The following TMEM45B variants were observed in gnomAD, a reference collection of about 807,000 sequenced individuals.
The protein encoded by TMEM45B is transmembrane protein 45B.
TMEM45B carries 29 observed loss-of-function variants against 27.3 expected under a neutral mutation model. That is an observed-to-expected ratio of 1.06 (90% confidence interval 0.79 to 1.45). The LOEUF (loss-of-function observed/expected upper bound fraction) is 1.45. TMEM45B is among the 40% of genes most tolerant of loss of function. TMEM45B has a pLI of 0.00. For synonymous variants in TMEM45B, 143 were observed against 134.7 expected (o/e 1.06, Z -0.43); for missense variants, 348 against 343.9 (o/e 1.01, Z -0.09).
intron 1 of TMEM45B, among the ~76,000 whole-genome samples, chr11:129,849,665 C>T (rs764593696): frequency 9.9e-5 from 15 of 152,182 alleles, no homozygotes; most frequent in African/African-American, 2.9e-4. Flanking sequence ...TTATAACTTG[C>T]GCCCTCTGGA....
chr11:129,829,419 A>G (rs1229121084), intron 1 of TMEM45B, among the ~76,000 whole-genome samples: 1 of 152,198 alleles, frequency 6.6e-6, no homozygotes, highest in Admixed American at 6.5e-5. Context: ...ACTTTTAAGT[A>G]TATTCTTTTG....
chr11:129,837,420 G>A (rs1382786811), intron 1 of TMEM45B, among the ~76,000 whole-genome samples: 9 of 151,494 alleles, frequency 5.9e-5, no homozygotes, highest in Non-Finnish European at 1.3e-4. Flanking sequence ...TGAGTAGCTG[G>A]GATTACAGGT....
chr11:129,852,905 G>A, intron 2 of TMEM45B: 1 of 361,718 alleles, frequency 2.8e-6, no homozygotes, highest in Non-Finnish European at 4.9e-6. Flanking sequence ...ACACAGGTAT[G>A]GAAAGTTGTA....
intron 1 of TMEM45B, among the ~76,000 whole-genome samples, chr11:129,848,015 C>A (rs7943987): frequency 0.62 from 83,312 of 135,136 alleles, 21,070 homozygotes; most frequent in African/African-American, 0.68. Context: ...CGGGCAGAGA[C>A]GCTCCTCACT....
In TMEM45B at chr11:129,852,506, G is replaced by GC; in HGVS notation, c.25dup (p.Leu9ProfsTer23). On this transcript the variant is annotated frameshift_variant, in exon 2 of 6. Coordinates refer to ENST00000281441, the MANE Select transcript of TMEM45B (RefSeq NM_138788.5). LOFTEE classifies it high-confidence loss of function. ...TGATGGCAAATTTCAAGGGCCACGCGCTTCCAGGGAGTTTCTTCCTGATCA... is the reference window on the plus strand; with the variant it reads ...TGATGGCAAATTTCAAGGGCCACGCGCCTTCCAGGGAGTTTCTTCCTGATCA... 6.2e-7 allele frequency: 1 copy of GC among 1,604,090 alleles called. No individual in the cohort carries two copies. Among genetic ancestry groups the GC allele is most frequent in the Non-Finnish European group, 8.5e-7 (1 of 1,171,858 alleles).
chr11:129,831,076 T>C (rs974842863), intron 1 of TMEM45B, among the ~76,000 whole-genome samples: 3 of 152,190 alleles, frequency 2.0e-5, no homozygotes, highest in African/African-American at 7.2e-5. Flanking sequence ...TGATAAAGCT[T>C]ATATAAATTA....
Position 129,820,264 on chromosome 11 carries a change from G to A in TMEM45B, c.-9+4366G>A, listed in dbSNP as rs559062090. Among the ~76,000 whole-genome samples the A allele has an allele frequency of 3.5e-4, 54 of 152,144 alleles. 1 individual carries two copies. The highest frequency in any genetic ancestry group is 1.0e-4 in the Non-Finnish European group (7 of 67,986). ...CAGGAGGCAGAGGTTGCAGTGAGCC[G>A]AGATCATGCCACTTGCACTCCAGCC... is the stretch of plus-strand genomic sequence containing the variant. On this transcript the variant is annotated intron_variant, in intron 1 of 5. Coordinates refer to ENST00000281441, the MANE Select transcript of TMEM45B (RefSeq NM_138788.5).
chr11:129,832,176 C>T (rs1947557471), intron 1 of TMEM45B, among the ~76,000 whole-genome samples: 1 of 151,438 alleles, frequency 6.6e-6, no homozygotes, highest in Admixed American at 6.6e-5. Context: ...CAAGACCATC[C>T]TAGCTAACAC....
rs777107704 is a variant in TMEM45B at position 129,852,600 on chromosome 11, C to T, written c.118C>T (p.His40Tyr). The T allele has an allele frequency of 1.2e-6, 2 of 1,613,358 alleles. No individual in the cohort carries two copies. The highest frequency in any genetic ancestry group is 2.7e-5 in the African/African-American group (2 of 74,896). ...FSHTRKNSPLHYYQRLEIVEA... is the reference protein window; with the variant it reads ...FSHTRKNSPLYYYQRLEIVEA... ...CCACACGCGGAAGAACAGCCCACTA[C>T]ATTACTATCAGCGTCTCGAGATCGT... is the stretch of plus-strand genomic sequence containing the variant. The change falls in exon 2 of 6, where the codon CAT (histidine) becomes TAT (tyrosine). Residue 40 changes from histidine to tyrosine, a missense_variant. Physicochemically the swap from His to Tyr is moderately conservative, Grantham distance 83. Transcript: ENST00000281441.
rs200833986 is a variant in TMEM45B at position 129,841,795 on chromosome 11, G to A, written c.-8-10680G>A. 2.5e-4 allele frequency among the ~76,000 whole-genome samples: 38 copies of A among 151,710 alleles called. No homozygotes were observed. In the East Asian group the frequency reaches 4.5e-3, roughly 18 times the overall value. On this transcript the variant is annotated intron_variant, in intron 1 of 5. Coordinates refer to ENST00000281441, the MANE Select transcript of TMEM45B (RefSeq NM_138788.5). The stretch of plus-strand genomic sequence containing the variant: ...GTATTTTTAGTAGAGATGGGGTTTC[G>A]CCATGTTTGCCAGGCTAGTCTTGAA...
At chr11:129,828,185 A>C (rs1301448302) in intron 1 of TMEM45B, 1 of 152,202 alleles carries the variant, frequency 6.6e-6, no homozygotes, top group Non-Finnish European at 1.5e-5. Context: ...CTCATATGGA[A>C]AATTTTAGAA....
chr11:129,852,864 G>A (rs929392967), intron 2 of TMEM45B: 6 of 443,230 alleles, frequency 1.4e-5, no homozygotes, highest in African/African-American at 6.0e-5. Context: ...CTCACATCAT[G>A]GGACACTGTG....
intron 1 of TMEM45B, among the ~76,000 whole-genome samples, chr11:129,833,701 G>C (rs1197249352): frequency 6.6e-6 from 1 of 151,926 alleles, no homozygotes; most frequent in Non-Finnish European, 1.5e-5. Context: ...CTTGAACCCA[G>C]AAGGCGGAGG....
chr11:129,829,723 C>G (rs1043552672), intron 1 of TMEM45B, among the ~76,000 whole-genome samples: 1 of 152,214 alleles, frequency 6.6e-6, no homozygotes, highest in Non-Finnish European at 1.5e-5. Flanking sequence ...TTCCTCCAGG[C>G]TGAATAGGAA....
chr11:129,837,170 A>T (rs1219747846), intron 1 of TMEM45B, among the ~76,000 whole-genome samples: 2 of 151,782 alleles, frequency 1.3e-5, no homozygotes, highest in South Asian at 2.1e-4. Flanking sequence ...TTGAAATCCC[A>T]CTTACTCCCT....
intron 1 of TMEM45B, among the ~76,000 whole-genome samples, chr11:129,844,592 C>T (rs1022614124): frequency 5.9e-5 from 9 of 152,114 alleles, no homozygotes; most frequent in African/African-American, 1.9e-4. Flanking sequence ...GAGGCTGAGG[C>T]GGAGGATCAC....
At chr11:129,838,599 C>T (rs192317775) in intron 1 of TMEM45B, among the ~76,000 whole-genome samples, 117 of 152,216 alleles carry the variant, frequency 7.7e-4, no homozygotes, top group African/African-American at 2.6e-3. Flanking sequence ...TATAATATCT[C>T]ATAGTAAAGA....
chr11:129,836,285 A>C (rs545899379), intron 1 of TMEM45B, among the ~76,000 whole-genome samples: 1 of 23,620 alleles, frequency 4.2e-5, no homozygotes, highest in Non-Finnish European at 1.1e-4. Context: ...GTAAAGGTTC[A>C]CAGCTGGAGA....
intron 3 of TMEM45B, among the ~76,000 whole-genome samples, chr11:129,855,339 T>C (rs1591453497): frequency 6.6e-6 from 1 of 152,026 alleles, no homozygotes; most frequent in East Asian, 1.9e-4. Flanking sequence ...CTGACTGGGG[T>C]ATGAAAATAC....
Sources: allele counts gnomAD v4.1 joint callset (sites outside exome capture counted in the v4.1 genomes callset), GRCh38; gene constraint gnomAD v4.1.1; transcripts MANE v1.5; gene names NCBI Gene and HGNC (gene_info 2026-07-23, HGNC 2026-07-21).